KCNH1: variants seen among roughly 807,000 people sequenced by gnomAD.
KCNH1 encodes potassium voltage-gated channel subfamily H member 1.
A neutral mutation model predicts 69.2 loss-of-function variants in KCNH1; 27 were observed. The observed-to-expected ratio is 0.39, with a 90% CI of 0.29 to 0.54. KCNH1 has a LOEUF of 0.54. Ranked by LOEUF, KCNH1 falls within the 20% of genes least tolerant of loss-of-function variation. The probability of loss-of-function intolerance (pLI) is 0.68; values close to 1 mark genes in which losing one functional copy is unlikely to be tolerated. For synonymous variants in KCNH1, 456 were observed against 487.7 expected, an observed-to-expected ratio of 0.93 and a Z score of 0.86; for missense variants, 798 against 1,261.6, an observed-to-expected ratio of 0.63 and a Z score of 5.57.
chr1:211,128,445 T>G (rs951630303), intron 1 of KCNH1, among the ~76,000 whole-genome samples: 1 of 151,854 alleles, frequency 6.6e-6, no homozygotes, highest in African/African-American at 2.4e-5. Flanking sequence ...CTATAGTGGG[T>G]TTTTTTAGGA....
At chr1:211,009,290 G>A (rs900973436) in intron 6 of KCNH1, among the ~76,000 whole-genome samples, 6 of 152,208 alleles carry the variant, frequency 3.9e-5, no homozygotes, top group African/African-American at 1.2e-4. Flanking sequence ...TGACAAGGTT[G>A]AAAACCTGAT....
intron 6 of KCNH1, among the ~76,000 whole-genome samples, chr1:210,926,939 G>A (rs78182827): frequency 1.3e-5 from 2 of 152,078 alleles, no homozygotes; most frequent in Non-Finnish European, 2.9e-5. Context: ...AAAGTCTCAG[G>A]ACAGAATTGA....
intron 5 of KCNH1, among the ~76,000 whole-genome samples, chr1:211,033,724 T>TGGGAATTGATCATGA (rs1293719508): frequency 7.0e-6 from 1 of 143,104 alleles, no homozygotes. Flanking sequence ...TGAGAACACA[T>TGGGAATTGATCATGA]GGACACAGGA....
chr1:210,781,477 G>T (rs1203643893), intron 9 of KCNH1, among the ~76,000 whole-genome samples: 2 of 152,134 alleles, frequency 1.3e-5, no homozygotes, highest in African/African-American at 4.8e-5. Flanking sequence ...ATGAAATGCA[G>T]CTGCAGAGTC....
intron 6 of KCNH1, among the ~76,000 whole-genome samples, chr1:210,933,822 T>C (rs1163698850): frequency 1.3e-5 from 2 of 152,172 alleles, no homozygotes; most frequent in African/African-American, 4.8e-5. Context: ...AGCATAGTAC[T>C]GGCATTAAGA....
At chr1:211,004,664 G>A (rs533091815) in intron 6 of KCNH1, among the ~76,000 whole-genome samples, 10 of 152,212 alleles carry the variant, frequency 6.6e-5, no homozygotes, top group African/African-American at 2.4e-4. Flanking sequence ...CACATCAAAT[G>A]TAATAAAGGT....
chr1:210,991,358 G>C (rs1427808944), intron 6 of KCNH1, among the ~76,000 whole-genome samples: 1 of 152,120 alleles, frequency 6.6e-6, no homozygotes, highest in Non-Finnish European at 1.5e-5. Context: ...GCCAGACACA[G>C]AAAGACAAAT....
chr1:210,804,256 G>T, intron 7 of KCNH1, 90 bp from the exon 8 acceptor site: 1 of 1,102,850 alleles, frequency 9.1e-7, no homozygotes, highest in Non-Finnish European at 1.3e-6. Context: ...CTCAGAGTAG[G>T]CCAATGGCCA....
intron 10 of KCNH1, among the ~76,000 whole-genome samples, chr1:210,745,024 G>A (rs1287835882): frequency 1.3e-5 from 2 of 152,146 alleles, no homozygotes; most frequent in African/African-American, 4.8e-5. Flanking sequence ...CCAACATGGC[G>A]AAACCCCATC....
In KCNH1 at chr1:211,019,663, A is replaced by G. The variant is rs542171495; in HGVS notation, c.559-407T>C. On this transcript the variant is annotated intron_variant, in intron 5 of 10. Coordinates refer to ENST00000271751, the MANE Select transcript of KCNH1 (RefSeq NM_172362.3). ...TTAAGCAACTTTTTATTCAATAAAT[A>G]TTAATTGCTCTGATTTCATCCAACA... Among the ~76,000 whole-genome samples, 13 of 152,372 alleles carry G rather than the reference A, an allele frequency of 8.5e-5. No homozygotes were observed. The East Asian group carries it at 2.1e-3, about 25-fold the overall frequency.
intron 7 of KCNH1, among the ~76,000 whole-genome samples, chr1:210,879,020 T>G (rs914920410): frequency 3.3e-5 from 5 of 151,972 alleles, no homozygotes; most frequent in South Asian, 2.1e-4. Flanking sequence ...CTCATAAATT[T>G]GATAATCTAG....
intron 6 of KCNH1, among the ~76,000 whole-genome samples, chr1:210,981,098 A>T (rs1178013419): frequency 6.6e-6 from 1 of 152,120 alleles, no homozygotes; most frequent in Non-Finnish European, 1.5e-5. Flanking sequence ...CCATTTCATG[A>T]AAGGGGATAA....
chr1:211,026,203 G>GC (rs1309591281), intron 5 of KCNH1, among the ~76,000 whole-genome samples: 1 of 152,076 alleles, frequency 6.6e-6, no homozygotes, highest in Non-Finnish European at 1.5e-5. Flanking sequence ...GCAACTAAAA[G>GC]CCTTGGTCAT....
At chr1:210,975,672 T>C (rs975561341) in intron 6 of KCNH1, among the ~76,000 whole-genome samples, 6 of 152,158 alleles carry the variant, frequency 3.9e-5, no homozygotes, top group African/African-American at 1.4e-4. Context: ...GGCAACACCA[T>C]TCAGGACATG....
chr1:210,716,256 AC>A (rs1240655572), intron 10 of KCNH1, among the ~76,000 whole-genome samples: 1 of 151,696 alleles, frequency 6.6e-6, no homozygotes, highest in Non-Finnish European at 1.5e-5. Flanking sequence ...ACACGGTGAA[AC>A]CCCATCTCTA....
chr1:210,697,006 A>T (rs986150886), intron 10 of KCNH1, among the ~76,000 whole-genome samples: 1 of 152,210 alleles, frequency 6.6e-6, no homozygotes, highest in Non-Finnish European at 1.5e-5. Context: ...CAAGCCTGTG[A>T]AGTCGAAACT....
chr1:211,078,427 C>A (rs1385651179), intron 5 of KCNH1, among the ~76,000 whole-genome samples: 1 of 152,204 alleles, frequency 6.6e-6, no homozygotes, highest in African/African-American at 2.4e-5. Context: ...TCCCTTAGAT[C>A]ACAGTGCAAT....
chr1:210,861,638 G>C lies in KCNH1; in HGVS notation c.1463-57472C>G, dbSNP rs116192614. 517 of 770,846 alleles carry C rather than the reference G, an allele frequency of 6.7e-4. 3 individuals carry two copies. The African/African-American group carries it at 8.0e-3, about 12-fold the overall frequency. 47.8% of individuals were successfully genotyped at this position (770,846 alleles called of 1,614,324 possible). A position where few individuals can be genotyped will look rare whatever the true frequency, so the allele number is the denominator to read the frequency against. On this transcript the variant is annotated intron_variant, in intron 7 of 10. Transcript: ENST00000271751. Reference sequence around the variant, plus strand: ...AGAGTATAGAGTATATACTGAACAAGAGCATAGAGTATATACTGAACAAGA... The same window carrying C: ...AGAGTATAGAGTATATACTGAACAACAGCATAGAGTATATACTGAACAAGA...
At position 210,683,082 on chromosome 1, in the gene KCNH1, C is replaced by T. The variant is rs1352200801; in HGVS notation, c.*199G>A. The T allele has an allele frequency of 1.6e-6, 1 of 637,488 alleles. No individual in the cohort carries two copies. The highest frequency in any genetic ancestry group is 1.8e-5 in the African/African-American group (1 of 55,388). 39.5% of individuals were successfully genotyped at this position (637,488 alleles called of 1,614,324 possible). ...AAAGACGGTTCAGATGCAGCTGCCA[C>T]CTTGCAGGGTAGGGGCACGCTACCC... On this transcript the variant is annotated 3_prime_UTR_variant, in exon 11 of 11. Coordinates refer to ENST00000271751, the MANE Select transcript of KCNH1 (RefSeq NM_172362.3). This position sits in a 1 kb window ranked among gnomAD's most constrained non-coding sequence, Gnocchi z 5.7.
Sources: allele counts gnomAD v4.1 joint callset (sites outside exome capture counted in the v4.1 genomes callset), GRCh38; gene constraint gnomAD v4.1.1; non-coding constraint Gnocchi (gnomAD v3.1); transcripts MANE v1.5; gene names NCBI Gene and HGNC (gene_info 2026-07-23, HGNC 2026-07-21).